The following ANK3 variants were observed in gnomAD, a reference collection of about 807,000 sequenced individuals.
ANK3 encodes the protein ankyrin-3.
A neutral mutation model predicts 370.9 loss-of-function variants in ANK3; 57 were observed. The ratio of observed to expected loss-of-function variants is 0.15; its 90% CI spans 0.12 to 0.19. ANK3 has a LOEUF of 0.19. Among genes scored for constraint, ANK3 ranks in the 10% least tolerant of loss-of-function variants. The probability of loss-of-function intolerance (pLI) is 1.00; values close to 1 mark genes in which losing one functional copy is unlikely to be tolerated. For missense variants in ANK3, 4,439 were observed against 5,302.1 expected, an observed-to-expected ratio of 0.84 and a Z score of 5.06; for synonymous variants, 1,929 against 1,946.3, an observed-to-expected ratio of 0.99 and a Z score of 0.23.
chr10:60,368,914 C>T (rs1320418749), intron 1 of ANK3, among the ~76,000 whole-genome samples: 1 of 152,130 alleles, frequency 6.6e-6, no homozygotes, highest in African/African-American at 2.4e-5. Context: ...AATCCTAACG[C>T]TGACTGCTTC....
At chr10:60,319,668 C>G (rs922418363) in intron 1 of ANK3, among the ~76,000 whole-genome samples, 1 of 152,184 alleles carries the variant, frequency 6.6e-6, no homozygotes, top group Non-Finnish European at 1.5e-5. Context: ...AGGAATGAAA[C>G]CTTGCCTCAA....
At chr10:60,222,946 C>A (rs2097086808) in intron 8 of ANK3, among the ~76,000 whole-genome samples, 1 of 152,138 alleles carries the variant, frequency 6.6e-6, no homozygotes, top group South Asian at 2.1e-4. Context: ...TTTGGGGGAC[C>A]TGTAACTTTT....
At chr10:60,246,289 G>GAAA (rs2097554273) in intron 7 of ANK3, among the ~76,000 whole-genome samples, 1 of 105,482 alleles carries the variant, frequency 9.5e-6, no homozygotes, top group African/African-American at 3.4e-5. Context: ...AAAGAAAAAA[G>GAAA]AAAAAAAGAT....
intron 8 of ANK3, among the ~76,000 whole-genome samples, chr10:60,226,496 CTATAGTAT>C: frequency 1.2e-5 from 1 of 80,666 alleles, no homozygotes; most frequent in Non-Finnish European, 2.0e-5. Context: ...TATACATATA[CTATAGTAT>C]ATATACATAG....
At chr10:60,420,954 C>A (rs1007589327) in intron 2 of ANK3, among the ~76,000 whole-genome samples, 9 of 152,076 alleles carry the variant, frequency 5.9e-5, no homozygotes, top group African/African-American at 1.9e-4. Context: ...AACAGCCCAA[C>A]TGTTCATCAG....
chr10:60,420,965 A>G (rs1010071123), intron 2 of ANK3, among the ~76,000 whole-genome samples: 2 of 152,160 alleles, frequency 1.3e-5, no homozygotes, highest in African/African-American at 4.8e-5. Flanking sequence ...TGTTCATCAG[A>G]TGAATGGATA....
intron 28 of ANK3, among the ~76,000 whole-genome samples, chr10:60,105,442 A>G (rs2092034305): frequency 6.6e-6 from 1 of 152,172 alleles, no homozygotes; most frequent in Admixed American, 6.5e-5. Flanking sequence ...TTTTTTAAAG[A>G]CTAATTATGG....
chr10:60,318,736 C>T (rs1247710212), intron 1 of ANK3, among the ~76,000 whole-genome samples: 1 of 152,138 alleles, frequency 6.6e-6, no homozygotes, highest in Non-Finnish European at 1.5e-5. Flanking sequence ...CGCCACCCTG[C>T]CCCCTTTCAA....
At chr10:60,269,359 G>C (rs2097926416) in intron 5 of ANK3, among the ~76,000 whole-genome samples, 1 of 151,964 alleles carries the variant, frequency 6.6e-6, no homozygotes, top group Non-Finnish European at 1.5e-5. Flanking sequence ...ATGTGTAATA[G>C]TTTTGGCTGG....
intron 1 of ANK3, among the ~76,000 whole-genome samples, chr10:60,327,935 GGT>G (rs140723483): frequency 5.3e-5 from 8 of 151,962 alleles, no homozygotes; most frequent in South Asian, 2.1e-4. Context: ...TTTTTAGAAA[GGT>G]GTGTGTGTGT....
intron 2 of ANK3, among the ~76,000 whole-genome samples, chr10:60,494,687 T>G (rs1272079343): frequency 6.6e-6 from 1 of 152,210 alleles, no homozygotes; most frequent in Non-Finnish European, 1.5e-5. Flanking sequence ...TATTAGTTAC[T>G]ATAACAGATC....
At chr10:60,587,569 A>C (rs540176706) in intron 2 of ANK3, among the ~76,000 whole-genome samples, 1 of 152,208 alleles carries the variant, frequency 6.6e-6, no homozygotes, top group Non-Finnish European at 1.5e-5. Flanking sequence ...CACTGCAGTC[A>C]TGGACTCAGT....
chr10:60,509,104 C>A (rs1236414803), intron 2 of ANK3, among the ~76,000 whole-genome samples: 1 of 152,102 alleles, frequency 6.6e-6, no homozygotes, highest in African/African-American at 2.4e-5. Context: ...GCAGCAAATA[C>A]CATCACTGTT....
At chr10:60,674,288 A>G (rs1215848707) in intron 1 of ANK3, among the ~76,000 whole-genome samples, 1 of 152,136 alleles carries the variant, frequency 6.6e-6, no homozygotes, top group Non-Finnish European at 1.5e-5. Context: ...TAATTTATAA[A>G]GAAAAGAGGT....
intron 1 of ANK3, among the ~76,000 whole-genome samples, chr10:60,358,945 C>T (rs2058199595): frequency 6.6e-6 from 1 of 152,082 alleles, no homozygotes; most frequent in Non-Finnish European, 1.5e-5. Flanking sequence ...AATAAAGCAA[C>T]TCTTTCTAGT....
intron 2 of ANK3, among the ~76,000 whole-genome samples, chr10:60,573,971 G>A (rs553023101): frequency 6.6e-6 from 1 of 152,228 alleles, no homozygotes; most frequent in Non-Finnish European, 1.5e-5. Context: ...TTTTTCAGGA[G>A]AAATGGGATT....
At chr10:60,683,022 G>A (rs2079217237) in intron 1 of ANK3, among the ~76,000 whole-genome samples, 1 of 152,048 alleles carries the variant, frequency 6.6e-6, no homozygotes, top group Non-Finnish European at 1.5e-5. Flanking sequence ...CTCAACCTAT[G>A]GGACCTGACA....
rs761976657 is a variant in ANK3, at chr10:60,059,326, T to G, written c.12686+14A>C. 9 of 1,611,258 alleles carry G rather than the reference T, an allele frequency of 5.6e-6. No homozygotes were observed. The highest frequency in any genetic ancestry group is 7.6e-6 in the Non-Finnish European group (9 of 1,177,464). ...TAACCTGTGTTCACTTTCCTTTTTT[T>G]GAAACAGCCATACCTGTCATCCAGT... is the stretch of plus-strand genomic sequence containing the variant. On this transcript the variant is annotated intron_variant, in intron 41 of 43. Coordinates refer to ENST00000280772, the MANE Select transcript of ANK3 (RefSeq NM_020987.5).
At chr10:60,497,799 G>C (rs891090486) in intron 2 of ANK3, among the ~76,000 whole-genome samples, 5 of 152,118 alleles carry the variant, frequency 3.3e-5, no homozygotes, top group African/African-American at 7.2e-5. Context: ...GAAAAGTACT[G>C]TCCTAGATGA....
Sources: gnomAD v4.1 joint callset for allele counts (sites outside exome capture counted in the v4.1 genomes callset) on GRCh38, gnomAD v4.1.1 for gene constraint, MANE v1.5 for transcripts, NCBI Gene and HGNC (gene_info 2026-07-23, HGNC 2026-07-21) for gene names.